LINGO2: variants seen among roughly 807,000 people sequenced by gnomAD.
LINGO2 encodes leucine rich repeat and Ig domain containing 2.
A neutral mutation model predicts 30.6 loss-of-function variants in LINGO2; 14 were observed. The observed-to-expected ratio is 0.46, with a 90% CI of 0.30 to 0.72. LINGO2 has a LOEUF of 0.72. Among genes scored for constraint, LINGO2 ranks in the 30% least tolerant of loss-of-function variants. The pLI is 0.07. For missense variants in LINGO2, 729 were observed against 751.7 expected (o/e 0.97, Z 0.35); for synonymous variants, 317 against 288.5 (o/e 1.10, Z -1.00).
the LINGO2 span, among the ~76,000 whole-genome samples, chr9:28,709,431 A>G: frequency 6.6e-6 from 1 of 152,188 alleles, no homozygotes; most frequent in East Asian, 1.9e-4. Context: ...TGAATTTTAG[A>G]AAGATAAATT....
At chr9:28,174,774 G>A (rs80095685) in intron 4 of LINGO2, among the ~76,000 whole-genome samples, 14,069 of 152,024 alleles carry the variant, frequency 0.093, 813 homozygotes, top group East Asian at 0.19. Context: ...ATTATACATC[G>A]AATCCAGTGC....
At chr9:29,009,465 A>G in the LINGO2 span, among the ~76,000 whole-genome samples, 6 of 152,178 alleles carry the variant, frequency 3.9e-5, no homozygotes, top group African/African-American at 1.4e-4. Context: ...TAGGAATCCA[A>G]CTTACAAGGG....
the LINGO2 span, among the ~76,000 whole-genome samples, chr9:28,953,119 T>C: frequency 4.6e-5 from 7 of 152,090 alleles, no homozygotes; most frequent in South Asian, 4.2e-4. Flanking sequence ...AGTTAAATAT[T>C]GGGGTACATA....
chr9:28,980,694 C>T, the LINGO2 span, among the ~76,000 whole-genome samples: 1 of 152,148 alleles, frequency 6.6e-6, no homozygotes, highest in Middle Eastern at 3.2e-3. Flanking sequence ...GTCGCCTGCT[C>T]AGGGAGTCCT....
At chr9:28,069,265 T>C (rs1825403192) in intron 4 of LINGO2, among the ~76,000 whole-genome samples, 1 of 152,100 alleles carries the variant, frequency 6.6e-6, no homozygotes, top group South Asian at 2.1e-4. Flanking sequence ...TTGTTTTGTT[T>C]TATTTATCTC....
intron 4 of LINGO2, among the ~76,000 whole-genome samples, chr9:28,188,341 T>G (rs1381061683): frequency 6.6e-6 from 1 of 152,170 alleles, no homozygotes; most frequent in Non-Finnish European, 1.5e-5. Flanking sequence ...AACTAAATTG[T>G]TTTCTTCTTT....
chr9:28,771,455 GTGTGTGT>G, the LINGO2 span, among the ~76,000 whole-genome samples: 785 of 67,656 alleles, frequency 0.012, 9 homozygotes, highest in African/African-American at 0.046. Flanking sequence ...CCTATTTGGT[GTGTGTGT>G]GTGTGTGTGT....
chr9:28,313,099 A>G (rs925272137), intron 3 of LINGO2, among the ~76,000 whole-genome samples: 3 of 152,202 alleles, frequency 2.0e-5, no homozygotes, highest in Non-Finnish European at 4.4e-5. Context: ...TTTGCTGAAT[A>G]AAAGTTTAAT....
intron 4 of LINGO2, among the ~76,000 whole-genome samples, chr9:28,202,094 T>G (rs994246): frequency 0.83 from 126,496 of 151,988 alleles, 53,147 homozygotes; most frequent in East Asian, 0.89. Context: ...TTCTGTGCAT[T>G]TACCTGTGTC....
chr9:28,737,182 CAG>C, the LINGO2 span, among the ~76,000 whole-genome samples: 4 of 152,126 alleles, frequency 2.6e-5, no homozygotes, highest in East Asian at 1.9e-4. Context: ...CATAAACAGA[CAG>C]AGTGAAATAC....
At chr9:29,100,551 G>T in the LINGO2 span, among the ~76,000 whole-genome samples, 1 of 151,108 alleles carries the variant, frequency 6.6e-6, no homozygotes, top group Non-Finnish European at 1.5e-5. Flanking sequence ...CCAAGATTGT[G>T]ACACTGCCCT....
At chr9:28,225,132 T>A (rs1168510718) in intron 4 of LINGO2, among the ~76,000 whole-genome samples, 1 of 152,088 alleles carries the variant, frequency 6.6e-6, no homozygotes, top group Non-Finnish European at 1.5e-5. Flanking sequence ...AGATTAAGGA[T>A]GTGAAGTTTT....
At chr9:28,565,575 G>A (rs906710012) in intron 1 of LINGO2, among the ~76,000 whole-genome samples, 2 of 141,210 alleles carry the variant, frequency 1.4e-5, no homozygotes, top group African/African-American at 5.2e-5. Context: ...TTTTTGAGAC[G>A]GAGTCTCGCT....
At chr9:29,190,299 TTAAA>T in the LINGO2 span, among the ~76,000 whole-genome samples, 2 of 152,142 alleles carry the variant, frequency 1.3e-5, no homozygotes, top group African/African-American at 4.8e-5. Flanking sequence ...ATTATAATAA[TTAAA>T]TATTTTAATT....
chr9:28,166,012 T>C (rs562545389), intron 4 of LINGO2, among the ~76,000 whole-genome samples: 1 of 152,318 alleles, frequency 6.6e-6, no homozygotes, highest in Admixed American at 6.5e-5. Context: ...TGTGTAGACA[T>C]CACAGTATAT....
intron 4 of LINGO2, among the ~76,000 whole-genome samples, chr9:28,195,219 T>C (rs916326971): frequency 6.6e-6 from 1 of 151,878 alleles, no homozygotes; most frequent in Non-Finnish European, 1.5e-5. Context: ...AGCTACAATA[T>C]ATTTGACAGG....
chr9:28,437,839 CA>C (rs1173849060), intron 2 of LINGO2, among the ~76,000 whole-genome samples: 2 of 151,776 alleles, frequency 1.3e-5, no homozygotes, highest in Non-Finnish European at 2.9e-5. Context: ...CAATGTAGCA[CA>C]AAAAAAATTC....
chr9:28,038,672 G>A (rs1294497708), intron 4 of LINGO2, among the ~76,000 whole-genome samples: 10 of 140,274 alleles, frequency 7.1e-5, no homozygotes, highest in African/African-American at 2.7e-4. Flanking sequence ...CAGCCTGGGC[G>A]ACAGAGCGAG....
intron 5 of LINGO2, among the ~76,000 whole-genome samples, chr9:27,980,626 C>T (rs1820809095): frequency 6.6e-6 from 1 of 151,862 alleles, no homozygotes; most frequent in African/African-American, 2.4e-5. Context: ...GTCATCAAGC[C>T]TAATATTCTC....
Sources: allele counts gnomAD v4.1 joint callset (sites outside exome capture counted in the v4.1 genomes callset), GRCh38; gene constraint gnomAD v4.1.1; transcripts MANE v1.5; gene names NCBI Gene and HGNC (gene_info 2026-07-23, HGNC 2026-07-21).